Variants in RALGAPA1 observed in about 807,000 individuals in gnomAD.
RALGAPA1 encodes the protein ral GTPase-activating protein subunit alpha-1.
RALGAPA1 carries 52 observed loss-of-function variants against 269.6 expected under a neutral mutation model. The observed-to-expected ratio is 0.19, with a 90% confidence interval of 0.15 to 0.24. RALGAPA1 has a LOEUF of 0.24. Among genes scored for constraint, RALGAPA1 ranks in the 10% least tolerant of loss-of-function variants. The probability of loss-of-function intolerance (pLI) is 1.00; values close to 1 mark genes in which losing one functional copy is unlikely to be tolerated. For synonymous variants in RALGAPA1, 817 were observed against 1,008.3 expected, an observed-to-expected ratio of 0.81 and a Z score of 3.60; for missense variants, 1,917 against 3,013.9, an observed-to-expected ratio of 0.64 and a Z score of 8.52.
chr14:35,751,925 A>C (rs750728198), intron 8 of RALGAPA1, 99 bp downstream of exon 8: 164 of 1,464,638 alleles, frequency 1.1e-4, no homozygotes, highest in Non-Finnish European at 1.4e-4. Flanking sequence ...ACAAGTATTA[A>C]ATATGATCAG....
chr14:35,779,446 C>T (rs1595527947), intron 1 of RALGAPA1, among the ~76,000 whole-genome samples: 1 of 151,788 alleles, frequency 6.6e-6, no homozygotes, highest in Non-Finnish European at 1.5e-5. Context: ...ATCCCTTGAG[C>T]CTAGGAATTT....
intron 1 of RALGAPA1, among the ~76,000 whole-genome samples, chr14:35,781,359 T>TG (rs766406047): frequency 2.6e-5 from 4 of 152,034 alleles, no homozygotes; most frequent in Non-Finnish European, 5.9e-5. Context: ...ATTGAATTAG[T>TG]GGGGGAAAAA....
rs2063789251 is a variant in RALGAPA1, at chr14:35,664,633, A to T, written c.5328+9T>A. ...TTTAAGTGCTAAAAATTAGCATCTC[A>T]TTTCTTACCTTAACATCTGTAAACT... On this transcript the variant is annotated intron_variant, in intron 27 of 41. Transcript: ENST00000680220. 1 of 1,593,634 alleles carries T rather than the reference A, an allele frequency of 6.3e-7. No homozygotes were observed. Among genetic ancestry groups the T allele is most frequent in the Non-Finnish European group, 8.5e-7 (1 of 1,172,384 alleles).
chr14:35,719,543 A>C (rs2140935850), intron 16 of RALGAPA1, among the ~76,000 whole-genome samples: 1 of 152,326 alleles, frequency 6.6e-6, no homozygotes, highest in Middle Eastern at 3.4e-3. Context: ...TACTCATTAC[A>C]TGCTATGTAA....
rs890519734 is a variant in RALGAPA1 at position 35,738,578 on chromosome 14, G to A, written c.1522C>T (p.Leu508Phe). Residue 508 changes from leucine (L) to phenylalanine (F), a missense_variant, in exon 12 of 42, where the codon CTT becomes TTT. Transcript: ENST00000680220. ...GTGGCTTCTTCAGAGGCGTTATGAA[G>A]AGCACCTTGGTAGGAGCCGTTTTTT... is the stretch of plus-strand genomic sequence containing the variant. ...WAKNGSYQGA[L>F]HNASEEATEQ... 1 of 1,613,592 alleles carries A rather than the reference G, an allele frequency of 6.2e-7. No homozygotes were observed. The highest frequency in any genetic ancestry group is 1.1e-5 in the South Asian group (1 of 91,036).
chr14:35,574,651 C>T (rs984028982), intron 37 of RALGAPA1, among the ~76,000 whole-genome samples: 2 of 151,986 alleles, frequency 1.3e-5, no homozygotes, highest in Admixed American at 6.6e-5. Context: ...AGTAATTAGA[C>T]ACAAATTGAG....
intron 37 of RALGAPA1, among the ~76,000 whole-genome samples, chr14:35,576,907 C>T (rs938439556): frequency 6.6e-6 from 1 of 152,180 alleles, no homozygotes; most frequent in African/African-American, 2.4e-5. Context: ...TATGATTATA[C>T]AATCACTCAT....
At chr14:35,568,842 C>T (rs1480866481) in intron 39 of RALGAPA1, among the ~76,000 whole-genome samples, 1 of 152,132 alleles carries the variant, frequency 6.6e-6, no homozygotes, top group Non-Finnish European at 1.5e-5. Context: ...AATAAACTCG[C>T]CATGTCCATA....
In RALGAPA1 at chr14:35,651,751, G is replaced by A. The variant is rs567268148; in HGVS notation, c.5676+54C>T. 51 of 1,471,252 alleles carry A rather than the reference G, an allele frequency of 3.5e-5. No individual in the cohort carries two copies. In the African/African-American group the frequency reaches 6.9e-4, roughly 20 times the overall value. 91.1% of individuals were successfully genotyped at this position (1,471,252 alleles called of 1,614,324 possible). A position where few individuals can be genotyped will look rare whatever the true frequency, so the allele number is the denominator to read the frequency against. On this transcript the variant is annotated intron_variant, in intron 31 of 41. Coordinates refer to ENST00000680220, the MANE Select transcript of RALGAPA1 (RefSeq NM_001346249.2). ...ATACATACCTTTAAAGTTTTGAAAT[G>A]CAAATATTTTACTAAATAACCACAT...
chr14:35,776,278 G>A (rs2075015915), intron 1 of RALGAPA1, among the ~76,000 whole-genome samples: 1 of 152,004 alleles, frequency 6.6e-6, no homozygotes, highest in South Asian at 2.1e-4. Flanking sequence ...CTACTTGGGA[G>A]GCTGAGGCAC....
chr14:35,577,981 C>T (rs1000037115), intron 37 of RALGAPA1, among the ~76,000 whole-genome samples: 4 of 152,264 alleles, frequency 2.6e-5, no homozygotes, highest in African/African-American at 9.6e-5. Context: ...AGATCACATG[C>T]TACTCATCCT....
chr14:35,761,088 A>T lies in RALGAPA1; in HGVS notation c.370-82T>A, dbSNP rs188257465. ...TTTGAAAAACAAAGTTCTCTAGATG[A>T]TGACAACAGAATGATACTTTCGAGA... On this transcript the variant is annotated intron_variant, in intron 5 of 41. Coordinates refer to ENST00000680220, the MANE Select transcript of RALGAPA1 (RefSeq NM_001346249.2). 9.7e-6 allele frequency: 10 copies of T among 1,031,528 alleles called. No individual in the cohort carries two copies. In the East Asian group the frequency reaches 2.6e-4, roughly 27 times the overall value. The allele number at this position is 1,031,528 out of a possible 1,614,324, so 63.9% of individuals were successfully genotyped here.
chr14:35,631,875 A>C (rs777567749), intron 33 of RALGAPA1, among the ~76,000 whole-genome samples: 6 of 152,198 alleles, frequency 3.9e-5, no homozygotes, highest in Non-Finnish European at 8.8e-5. Flanking sequence ...CCTACTTATA[A>C]ATAAACTCCA....
intron 28 of RALGAPA1, among the ~76,000 whole-genome samples, chr14:35,657,797 A>G (rs2063296235): frequency 6.6e-6 from 1 of 152,036 alleles, no homozygotes. Flanking sequence ...GCCTCTGAAG[A>G]CAAACTGCCA....
intron 1 of RALGAPA1, among the ~76,000 whole-genome samples, chr14:35,791,066 A>T (rs2076136445): frequency 6.6e-6 from 1 of 152,206 alleles, no homozygotes; most frequent in Admixed American, 6.5e-5. Context: ...GAGCAGCGAC[A>T]AAGTTTGAAA....
In RALGAPA1 at chr14:35,760,957, T is replaced by C. The variant is rs1244223685; in HGVS notation, c.419A>G (p.Gln140Arg). The C allele has an allele frequency of 6.2e-7, 1 of 1,610,586 alleles. No individual in the cohort carries two copies. Among genetic ancestry groups the C allele is most frequent in the East Asian group, 2.2e-5 (1 of 44,752 alleles). ...GAGCTGTTCTTTGCTACAGTTATTC[T>C]GAAGAGCTTGCAACCATAGTAAGAA... ...RLFLLWLQAL[Q>R]NNCSKEQLWM... The change falls in exon 6 of 42, where the codon CAG (glutamine) becomes CGG (arginine). Residue 140 changes from glutamine (Q) to arginine (R), a missense_variant. This residue lies in a region of RALGAPA1 where 462 missense variants were observed against 725.6 expected (regional missense o/e 0.64). Transcript: ENST00000680220.
Position 35,688,451 on chromosome 14 carries a change from G to A in RALGAPA1, c.3952+8C>T, listed in dbSNP as rs1308465561. 1 of 1,536,078 alleles carries A rather than the reference G, an allele frequency of 6.5e-7. No homozygotes were observed. Among genetic ancestry groups the A allele is most frequent in the East Asian group, 2.4e-5 (1 of 40,912 alleles). ...TCCTTTTGCGCTCTGCACACTGTTAGTGCTCACCTGCAGCTTTCCTTCCAA... is the reference window on the plus strand; with the variant it reads ...TCCTTTTGCGCTCTGCACACTGTTAATGCTCACCTGCAGCTTTCCTTCCAA... On this transcript the variant is annotated splice_region_variant and intron_variant, in intron 18 of 41. Coordinates refer to ENST00000680220, the MANE Select transcript of RALGAPA1 (RefSeq NM_001346249.2).
intron 1 of RALGAPA1, among the ~76,000 whole-genome samples, chr14:35,805,060 G>C (rs1038060097): frequency 6.6e-6 from 1 of 152,082 alleles, no homozygotes; most frequent in Non-Finnish European, 1.5e-5. Context: ...GGCTGAGGCA[G>C]GCGGATCACG....
In RALGAPA1 at chr14:35,688,870, G is replaced by C; in HGVS notation, c.3541C>G (p.Leu1181Val). The stretch of plus-strand genomic sequence containing the variant: ...CTGCTACCACTACTAAAGCCACCGA[G>C]CTTCCGCAGTCTCATCTTCCATGGA... ...EAPWKMRLRKLGGFSSGSSNS... is the reference protein window; with the variant it reads ...EAPWKMRLRKVGGFSSGSSNS... Residue 1181 changes from leucine (L) to valine (V), a missense_variant, in exon 18 of 42, where the codon CTC becomes GTC. Physicochemically the swap from Leu to Val is conservative, Grantham distance 32 (BLOSUM62 1). This residue lies in a region of RALGAPA1 where 615 missense variants were observed against 790.0 expected (regional missense o/e 0.78). Coordinates refer to ENST00000680220, the MANE Select transcript of RALGAPA1 (RefSeq NM_001346249.2). 1.6e-6 allele frequency: 2 copies of C among 1,281,644 alleles called. No homozygotes were observed. Among genetic ancestry groups the C allele is most frequent in the Non-Finnish European group, 2.0e-6 (2 of 1,017,044 alleles). 79.4% of individuals were successfully genotyped at this position (1,281,644 alleles called of 1,614,324 possible).
Sources: allele counts gnomAD v4.1 joint callset (sites outside exome capture counted in the v4.1 genomes callset), GRCh38; gene constraint gnomAD v4.1.1; regional missense constraint gnomAD v4.1.1; transcripts MANE v1.5; gene names NCBI Gene and HGNC (gene_info 2026-07-23, HGNC 2026-07-21).